The following TPM3 variants were observed in gnomAD, a reference collection of about 807,000 sequenced individuals.
TPM3 encodes tropomyosin 3.
In TPM3, 16 loss-of-function variants were observed where a neutral mutation model predicts 43.1. The observed-to-expected ratio is 0.37, with a 90% CI of 0.25 to 0.56. The LOEUF is 0.56. Ranked by LOEUF, TPM3 falls within the 20% of genes least tolerant of loss-of-function variation. The pLI is 0.77. For synonymous variants in TPM3, 101 were observed against 116.9 expected (o/e 0.86, Z 0.88); for missense variants, 176 against 337.2 (o/e 0.52, Z 3.74).
intron 8 of TPM3, 136 bp from the exon 9 acceptor site, chr1:154,169,519 C>T (rs1378343796): frequency 2.5e-6 from 2 of 815,966 alleles, no homozygotes; most frequent in East Asian, 5.2e-5. Context: ...AAAATATCTA[C>T]TCTGGCAACC....
intron 1 of TPM3, 194 bp downstream of exon 1, chr1:154,191,708 G>A (rs1333858652): frequency 5.3e-6 from 8 of 1,519,884 alleles, no homozygotes; most frequent in Non-Finnish European, 3.5e-6. Flanking sequence ...GTGGCTCACT[G>A]ACTTTCCCAA....
chr1:154,161,130 T>C (rs1438503255), downstream of TPM3, among the ~76,000 whole-genome samples: 35 of 105,374 alleles, frequency 3.3e-4, no homozygotes, highest in Non-Finnish European at 5.3e-4. Flanking sequence ...AATGCAAATA[T>C]TAAAAAAAAA....
In TPM3 at chr1:154,170,393, T is replaced by C. The variant is rs2148230960; in HGVS notation, c.775+7A>G. The C allele has an allele frequency of 6.2e-7, 1 of 1,614,058 alleles. No homozygotes were observed. Among genetic ancestry groups the C allele is most frequent in the Non-Finnish European group, 8.5e-7 (1 of 1,179,966 alleles). On this transcript the variant is annotated splice_region_variant and intron_variant, in intron 8 of 9. Coordinates refer to ENST00000651641, the MANE Select transcript of TPM3 (RefSeq NM_152263.4). ...CTCTATTTCAATCCCTACTCCAGGT[T>C]CCATACCTTCCAGGTCATCAATTGT... is the stretch of plus-strand genomic sequence containing the variant.
intron 2 of TPM3, among the ~76,000 whole-genome samples, chr1:154,186,839 C>T (rs1663433827): frequency 6.6e-6 from 1 of 151,684 alleles, no homozygotes; most frequent in East Asian, 1.9e-4. Context: ...CTTGCCCTTT[C>T]TTTATTCAAG....
chr1:154,182,903 G>T, intron 2 of TPM3: 1 of 1,597,660 alleles, frequency 6.3e-7, no homozygotes. Context: ...TCAGAGGACC[G>T]TGCTCCACGG....
intron 2 of TPM3, chr1:154,183,230 C>T (rs751418942): frequency 2.1e-5 from 33 of 1,547,302 alleles, no homozygotes; most frequent in Non-Finnish European, 2.8e-5. Context: ...CCGGAACTCA[C>T]CAACCCGCCC....
intron 2 of TPM3, among the ~76,000 whole-genome samples, chr1:154,185,926 A>G (rs1237603033): frequency 1.5e-4 from 23 of 151,446 alleles, no homozygotes; most frequent in Non-Finnish European, 2.9e-5. Context: ...AACAGGACTT[A>G]CAATGAAGAG....
intron 2 of TPM3, among the ~76,000 whole-genome samples, chr1:154,189,845 A>G (rs1167110698): frequency 6.6e-6 from 1 of 151,152 alleles, no homozygotes. Flanking sequence ...AAGAAACCGG[A>G]TGGCAGAGAG....
downstream of TPM3, chr1:154,158,478 T>C (rs1660025411): frequency 3.7e-6 from 1 of 268,136 alleles, no homozygotes; most frequent in African/African-American, 2.2e-5. Flanking sequence ...AATACTCAAA[T>C]CTTCAACTCA....
At chr1:154,191,834 A>G (rs1401813535) in intron 1 of TPM3, 68 bp downstream of exon 1, 11 of 1,591,612 alleles carry the variant, frequency 6.9e-6, no homozygotes, top group Admixed American at 5.0e-5. Context: ...TGTCTTTCCC[A>G]TGAAAACTCC....
chr1:154,167,633 A>G lies in TPM3; in HGVS notation c.*304T>C, dbSNP rs559663449. On this transcript the variant is annotated 3_prime_UTR_variant, in exon 10 of 10. Coordinates refer to ENST00000651641, the MANE Select transcript of TPM3 (RefSeq NM_152263.4). Reference sequence around the variant, plus strand: ...CACACACAAAAGTGGCTTTGATTACATAAGTCAGAGGAGGGGGAGCCTACA... The same window carrying G: ...CACACACAAAAGTGGCTTTGATTACGTAAGTCAGAGGAGGGGGAGCCTACA... 198 of 1,271,020 alleles carry G rather than the reference A, an allele frequency of 1.6e-4. No individual in the cohort carries two copies. The highest frequency in any genetic ancestry group is 2.2e-4 in the South Asian group (11 of 48,972). 78.7% of individuals were successfully genotyped at this position (1,271,020 alleles called of 1,614,324 possible).
At chr1:154,156,039 T>G (rs1247989288), downstream of TPM3, 1 of 178,424 alleles carries the variant, frequency 5.6e-6, no homozygotes, top group Non-Finnish European at 1.2e-5. Flanking sequence ...GAGACCAGCC[T>G]GGCCAACATG....
At chr1:154,186,641 G>C (rs552334651) in intron 2 of TPM3, among the ~76,000 whole-genome samples, 1 of 151,698 alleles carries the variant, frequency 6.6e-6, no homozygotes, top group African/African-American at 2.4e-5. Flanking sequence ...AACAGCATCT[G>C]ATTTCATCTT....
At chr1:154,172,826 G>A (rs1459202087) in intron 5 of TPM3, 82 bp downstream of exon 5, 1 of 1,518,396 alleles carries the variant, frequency 6.6e-7, no homozygotes, top group Non-Finnish European at 9.1e-7. Context: ...TTGAAGGAAT[G>A]CTAATTTATT....
intron 2 of TPM3, among the ~76,000 whole-genome samples, chr1:154,184,741 C>T (rs778994848): frequency 1.5e-4 from 22 of 151,388 alleles, no homozygotes; most frequent in Non-Finnish European, 2.9e-4. Context: ...AGTGAGACCT[C>T]GTCTCTACAA....
At chr1:154,178,591 A>G (rs900252904) in intron 2 of TPM3, among the ~76,000 whole-genome samples, 1 of 152,224 alleles carries the variant, frequency 6.6e-6, no homozygotes, top group Admixed American at 6.5e-5. Flanking sequence ...TCATGAGTCT[A>G]TGCACAGTGC....
chr1:154,170,848 G>A, intron 6 of TPM3, 137 bp from the exon 7 acceptor site: 1 of 706,176 alleles, frequency 1.4e-6, no homozygotes. Context: ...AGCAAGGCCT[G>A]GCTCTGGACA....
chr1:154,191,429 C>CTT (rs1377150319), intron 1 of TPM3, 118 bp from the exon 2 acceptor site: 2 of 1,542,760 alleles, frequency 1.3e-6, no homozygotes, highest in African/African-American at 2.7e-5. Flanking sequence ...GTGAGACACA[C>CTT]TTTCTCCCCA....
At chr1:154,183,075 C>G in intron 2 of TPM3, 1 of 1,602,654 alleles carries the variant, frequency 6.2e-7, no homozygotes, top group Non-Finnish European at 8.5e-7. Context: ...GCTGCAGAAC[C>G]TGGATCTTGC....
Sources: gnomAD v4.1 joint callset for allele counts (sites outside exome capture counted in the v4.1 genomes callset) on GRCh38, gnomAD v4.1.1 for gene constraint, MANE v1.5 for transcripts, NCBI Gene and HGNC (gene_info 2026-07-23, HGNC 2026-07-21) for gene names.